Variants in ATG10 observed in about 807,000 individuals in gnomAD.
ATG10 encodes ubiquitin-like-conjugating enzyme ATG10.
ATG10 carries 30 observed loss-of-function variants against 32.1 expected under a neutral mutation model. The ratio of observed to expected loss-of-function variants is 0.94; its 90% CI spans 0.70 to 1.27. The LOEUF (loss-of-function observed/expected upper bound fraction) is 1.27. Ranked by LOEUF, ATG10 falls within the 50% of genes most tolerant of loss-of-function variation. ATG10 has a pLI of 0.00. For missense variants in ATG10, 233 were observed against 262.3 expected (o/e 0.89, Z 0.77); for synonymous variants, 87 against 91.5 (o/e 0.95, Z 0.28).
chr5:82,033,414 T>G (rs1307603685), intron 2 of ATG10, among the ~76,000 whole-genome samples: 1 of 151,658 alleles, frequency 6.6e-6, no homozygotes, highest in Non-Finnish European at 1.5e-5. Context: ...CTCGGTTCAC[T>G]GCAACCTCCA....
intron 3 of ATG10, among the ~76,000 whole-genome samples, chr5:82,122,206 G>T (rs72776876): frequency 0.063 from 9,598 of 151,768 alleles, 379 homozygotes; most frequent in African/African-American, 0.11. Context: ...TTCTTCCTGC[G>T]TCAGTGTTGG....
chr5:82,022,105 C>T (rs962859920), intron 2 of ATG10, among the ~76,000 whole-genome samples: 12 of 150,078 alleles, frequency 8.0e-5, no homozygotes, highest in African/African-American at 2.9e-4. Flanking sequence ...AGGAGAATTA[C>T]TTGAACCTGG....
At chr5:82,017,150 T>G (rs1254804435) in intron 2 of ATG10, among the ~76,000 whole-genome samples, 1 of 151,158 alleles carries the variant, frequency 6.6e-6, no homozygotes, top group Non-Finnish European at 1.5e-5. Flanking sequence ...CTAAGTATTT[T>G]ATCTCTTTTT....
intron 2 of ATG10, among the ~76,000 whole-genome samples, chr5:82,001,096 A>G (rs994975389): frequency 1.3e-5 from 2 of 152,352 alleles, no homozygotes; most frequent in African/African-American, 2.4e-5. Flanking sequence ...GAGCTCTACC[A>G]TGAGAATTAG....
At chr5:82,146,505 A>G (rs1480861432) in intron 3 of ATG10, among the ~76,000 whole-genome samples, 4 of 151,108 alleles carry the variant, frequency 2.6e-5, no homozygotes, top group African/African-American at 9.7e-5. Context: ...TTTAAATATT[A>G]TTTTTCTGCC....
intron 2 of ATG10, among the ~76,000 whole-genome samples, chr5:82,013,667 A>G (rs1454095020): frequency 1.3e-5 from 2 of 149,900 alleles, no homozygotes; most frequent in Non-Finnish European, 3.0e-5. Context: ...ACCAACATCT[A>G]TTTTTTTTTG....
At chr5:82,013,670 TTTTTTTGA>T (rs1762195954) in intron 2 of ATG10, among the ~76,000 whole-genome samples, 2 of 152,128 alleles carry the variant, frequency 1.3e-5, no homozygotes, top group Non-Finnish European at 2.9e-5. Context: ...AACATCTATT[TTTTTTTGA>T]TTTTTTGATT....
chr5:82,061,667 A>G (rs1339732335), intron 3 of ATG10, among the ~76,000 whole-genome samples: 1 of 149,192 alleles, frequency 6.7e-6, no homozygotes, highest in Non-Finnish European at 1.5e-5. Flanking sequence ...TGTATTATAC[A>G]TATATACTAC....
chr5:82,000,950 C>T (rs747828203), intron 2 of ATG10, among the ~76,000 whole-genome samples: 7 of 152,040 alleles, frequency 4.6e-5, no homozygotes, highest in Non-Finnish European at 7.4e-5. Context: ...AGCCACTGCA[C>T]CCGGCCAAAA....
At chr5:82,100,318 T>C (rs1418786482) in intron 3 of ATG10, among the ~76,000 whole-genome samples, 1 of 152,086 alleles carries the variant, frequency 6.6e-6, no homozygotes, top group Non-Finnish European at 1.5e-5. Flanking sequence ...AGTGATTTCT[T>C]TTTTCTAAGT....
intron 3 of ATG10, among the ~76,000 whole-genome samples, chr5:82,120,221 C>T (rs1765993234): frequency 6.6e-6 from 1 of 152,088 alleles, no homozygotes; most frequent in African/African-American, 2.4e-5. Flanking sequence ...TTAAAAAATG[C>T]TTGACTTGTT....
At chr5:82,238,093 G>A (rs1044482438) in intron 5 of ATG10, among the ~76,000 whole-genome samples, 2 of 152,140 alleles carry the variant, frequency 1.3e-5, no homozygotes, top group African/African-American at 2.4e-5. Context: ...CCTCTGCATC[G>A]AAGTTTTCCT....
At chr5:82,226,761 T>C (rs1665363962) in intron 5 of ATG10, among the ~76,000 whole-genome samples, 1 of 152,226 alleles carries the variant, frequency 6.6e-6, no homozygotes, top group African/African-American at 2.4e-5. Flanking sequence ...GAGCATTTTA[T>C]GCATAGCACT....
intron 5 of ATG10, among the ~76,000 whole-genome samples, chr5:82,215,083 C>T (rs925657300): frequency 6.6e-6 from 1 of 152,186 alleles, no homozygotes; most frequent in Non-Finnish European, 1.5e-5. Context: ...GGAAATCAGG[C>T]ATGGCTTAGA....
intron 2 of ATG10, among the ~76,000 whole-genome samples, chr5:82,049,053 T>C (rs2149737547): frequency 6.6e-6 from 1 of 151,410 alleles, no homozygotes; most frequent in East Asian, 1.9e-4. Flanking sequence ...ACTGGGTATA[T>C]ACCCAAAGGA....
chr5:82,021,164 A>G (rs1423129255), intron 2 of ATG10, among the ~76,000 whole-genome samples: 1 of 152,156 alleles, frequency 6.6e-6, no homozygotes, highest in African/African-American at 2.4e-5. Flanking sequence ...TCAGTAGGTA[A>G]TGTGTAAATT....
intron 2 of ATG10, among the ~76,000 whole-genome samples, chr5:82,035,628 A>C (rs1051999072): frequency 6.6e-6 from 1 of 151,772 alleles, no homozygotes; most frequent in African/African-American, 2.4e-5. Flanking sequence ...AATGTTGAGC[A>C]TATTTTTATA....
intron 2 of ATG10, among the ~76,000 whole-genome samples, chr5:82,037,549 A>G (rs528153906): frequency 4.6e-5 from 7 of 152,046 alleles, no homozygotes; most frequent in South Asian, 2.1e-4. Flanking sequence ...GCCCGGCCCC[A>G]TTTACTTTTT....
rs575779158 is a variant in ATG10, at chr5:82,094,790, T to C, written c.216+36188T>C. Among the ~76,000 whole-genome samples the C allele has an allele frequency of 5.9e-4, 90 of 152,286 alleles. 1 individual carries two copies. Among genetic ancestry groups the C allele is most frequent in the Non-Finnish European group, 1.8e-4 (12 of 67,988 alleles). On this transcript the variant is annotated intron_variant, in intron 3 of 7. Transcript: ENST00000282185. Reference sequence around the variant, plus strand: ...CTTAGTTGTTAAATATATGCATGCATATACATTGAGTATACCACTATTTTA... The same window carrying C: ...CTTAGTTGTTAAATATATGCATGCACATACATTGAGTATACCACTATTTTA...
Sources: gnomAD v4.1 joint callset for allele counts (sites outside exome capture counted in the v4.1 genomes callset) on GRCh38, gnomAD v4.1.1 for gene constraint, MANE v1.5 for transcripts, NCBI Gene and HGNC (gene_info 2026-07-23, HGNC 2026-07-21) for gene names.